The following PAK3 variants were observed in gnomAD, a reference collection of about 807,000 sequenced individuals.
PAK3 encodes serine/threonine-protein kinase PAK 3.
Under a neutral mutation model 41.0 loss-of-function variants are expected in PAK3, and 4 were observed. The observed-to-expected ratio is 0.10, with a 90% CI of 0.05 to 0.22. The LOEUF is 0.22. Among genes scored for constraint, PAK3 ranks in the 10% least tolerant of loss-of-function variants. The pLI is 1.00. For missense variants in PAK3, 205 were observed against 409.9 expected, an observed-to-expected ratio of 0.50 and a Z score of 4.32; for synonymous variants, 146 against 139.6, an observed-to-expected ratio of 1.05 and a Z score of -0.32.
chrX:111,073,131 G>T (rs1020326163), intron 1 of PAK3, among the ~76,000 whole-genome samples: 1 of 111,161 alleles, frequency 9.0e-6, no homozygotes, highest in African/African-American at 3.3e-5. Flanking sequence ...AGCTGGACTG[G>T]GTTGGAGGGG....
intron 1 of PAK3, among the ~76,000 whole-genome samples, chrX:111,088,026 G>A (rs993162429): frequency 7.2e-5 from 8 of 110,559 alleles, no homozygotes; most frequent in African/African-American, 9.9e-5. Flanking sequence ...GCTGCACATC[G>A]GAATCTGAGA....
At chrX:111,123,522 G>A (rs995584778) in intron 5 of PAK3, among the ~76,000 whole-genome samples, 17 of 112,391 alleles carry the variant, frequency 1.5e-4, no homozygotes, top group African/African-American at 5.5e-4. Context: ...GTTAAGCCAA[G>A]GGTAATCATA....
chrX:111,037,350 A>G (rs1334773552), intron 1 of PAK3, among the ~76,000 whole-genome samples: 1 of 111,766 alleles, frequency 8.9e-6, no homozygotes, highest in African/African-American at 3.3e-5. Flanking sequence ...CTGACTCCCT[A>G]CAAATAGTTT....
At chrX:111,084,895 G>T (rs182507162) in intron 1 of PAK3, among the ~76,000 whole-genome samples, 4 of 111,602 alleles carry the variant, frequency 3.6e-5, no homozygotes, top group African/African-American at 1.3e-4. Context: ...TCTGAAAAAC[G>T]ACTACCCCTT....
At chrX:111,137,991 T>C (rs2093815243) in intron 5 of PAK3, among the ~76,000 whole-genome samples, 1 of 110,829 alleles carries the variant, frequency 9.0e-6, no homozygotes, top group African/African-American at 3.3e-5. Context: ...GAAAAACTGG[T>C]TTTCATCTAG....
At chrX:111,050,363 C>T (rs2092545946) in intron 1 of PAK3, among the ~76,000 whole-genome samples, 1 of 111,748 alleles carries the variant, frequency 8.9e-6, no homozygotes, top group South Asian at 3.7e-4. Flanking sequence ...GGGGAAAAAG[C>T]CTAGCTATAA....
chrX:111,038,344 G>A (rs1241188483), intron 1 of PAK3, among the ~76,000 whole-genome samples: 1 of 111,987 alleles, frequency 8.9e-6, no homozygotes, highest in African/African-American at 3.2e-5. Context: ...TTCTTTTGTG[G>A]ACCTGGTACT....
At chrX:111,050,573 G>T (rs1480026786) in intron 1 of PAK3, among the ~76,000 whole-genome samples, 1 of 112,092 alleles carries the variant, frequency 8.9e-6, no homozygotes, top group Admixed American at 9.4e-5. Context: ...CTGCCAACCT[G>T]TGCCTTGCCA....
intron 5 of PAK3, among the ~76,000 whole-genome samples, chrX:111,131,526 C>T (rs2093717291): frequency 9.1e-6 from 1 of 109,973 alleles, no homozygotes. Flanking sequence ...ATTGTAGTCA[C>T]CACATATACT....
intron 5 of PAK3, among the ~76,000 whole-genome samples, chrX:111,141,215 T>C (rs1219449172): frequency 8.9e-6 from 1 of 112,004 alleles, no homozygotes; most frequent in Non-Finnish European, 1.9e-5. Flanking sequence ...TATTTCCAGA[T>C]AGACTATAGT....
chrX:111,150,424 A>G (rs1339419542), intron 7 of PAK3, among the ~76,000 whole-genome samples: 2 of 112,044 alleles, frequency 1.8e-5, no homozygotes, highest in African/African-American at 3.3e-5. Context: ...GTCCGTTTTC[A>G]TGCTACTGAT....
rs1420523796 is a variant in PAK3 at position 111,163,678 on chromosome X, G to A, written c.717G>A (p.Arg239=). The change falls in exon 10 of 18, where the codon CGG becomes CGA. Residue 239 remains arginine (R), a synonymous_variant. Transcript: ENST00000372007. ...NSSTLYRNTD[R]QRKKSKMTDE... ...GTACTTTGTACAGGAACACAGATCG[G>A]CAAAGAAAAAAATCCAAGATGACAG... 9.1e-6 allele frequency: 11 copies of A among 1,202,944 alleles called. No homozygotes were observed. The Admixed American group carries it at 1.5e-4, about 17-fold the overall frequency.
intron 1 of PAK3, among the ~76,000 whole-genome samples, chrX:111,088,975 C>T (rs760846490): frequency 1.8e-5 from 2 of 111,524 alleles, no homozygotes; most frequent in East Asian, 2.8e-4. Context: ...AGGTTTTGGT[C>T]CTTTTCAGAA....
At chrX:111,139,420 C>T (rs993361407) in intron 5 of PAK3, among the ~76,000 whole-genome samples, 2 of 111,731 alleles carry the variant, frequency 1.8e-5, no homozygotes, top group African/African-American at 6.5e-5. Flanking sequence ...TTGTTTATGC[C>T]TTAGTATTGT....
chrX:111,170,235 C>T (rs1191004057), intron 10 of PAK3, among the ~76,000 whole-genome samples: 1 of 111,012 alleles, frequency 9.0e-6, no homozygotes, highest in East Asian at 2.8e-4. Context: ...AGATTTCTGA[C>T]TCAGGCTACT....
intron 1 of PAK3, among the ~76,000 whole-genome samples, chrX:111,011,630 T>C (rs141566970): frequency 1.8e-5 from 2 of 112,526 alleles, no homozygotes; most frequent in East Asian, 5.6e-4. Context: ...CACGTATTCA[T>C]TGCCCTCAGT....
chrX:111,127,299 A>G (rs903423379), intron 5 of PAK3, among the ~76,000 whole-genome samples: 2 of 111,533 alleles, frequency 1.8e-5, no homozygotes, highest in Admixed American at 1.9e-4. Flanking sequence ...TTGTAATTTC[A>G]CAATGTCTTT....
chrX:111,003,560 G>C (rs144796250), intron 1 of PAK3, among the ~76,000 whole-genome samples: 1 of 111,716 alleles, frequency 9.0e-6, no homozygotes, highest in Non-Finnish European at 1.9e-5. Context: ...TTTTAGGACA[G>C]CTTGGAGGTG....
rs140413309 is a variant in PAK3 at position 111,080,832 on chromosome X, C to T, written c.-27-42245C>T. On this transcript the variant is annotated intron_variant, in intron 1 of 14. Transcript: ENST00000425146. ...GTAGTCAAGATATGAAATTAGCCTA[C>T]GTGTCCATCAATGGATGACTGGATA... Among the ~76,000 whole-genome samples, 1,081 of 111,970 alleles carry T rather than the reference C, an allele frequency of 9.7e-3. 6 individuals carry two copies. The highest frequency in any genetic ancestry group is 0.017 in the Non-Finnish European group (889 of 53,167).
Sources: allele counts gnomAD v4.1 joint callset (sites outside exome capture counted in the v4.1 genomes callset), GRCh38; gene constraint gnomAD v4.1.1; transcripts MANE v1.5; gene names NCBI Gene and HGNC (gene_info 2026-07-23, HGNC 2026-07-21).